Variants in DIS3L2 observed in about 807,000 individuals in gnomAD.
The protein encoded by DIS3L2 is DIS3 like 3'-5' exoribonuclease 2, also known as DIS3-like exonuclease 2.
A neutral mutation model predicts 97.5 loss-of-function variants in DIS3L2; 34 were observed. The observed-to-expected ratio is 0.35, with a 90% confidence interval of 0.27 to 0.46. The LOEUF (loss-of-function observed/expected upper bound fraction) is 0.46. Ranked by LOEUF, DIS3L2 falls within the 20% of genes least tolerant of loss-of-function variation. The pLI is 1.00. For synonymous variants in DIS3L2, 435 were observed against 445.2 expected (o/e 0.98, Z 0.29); for missense variants, 1,038 against 1,146.0 (o/e 0.91, Z 1.36).
chr2:232,267,932 A>C (rs1693893081), intron 13 of DIS3L2, among the ~76,000 whole-genome samples: 1 of 146,062 alleles, frequency 6.8e-6, no homozygotes, highest in South Asian at 2.4e-4. Flanking sequence ...CCATTATGAA[A>C]GTGTCTTGGG....
chr2:232,073,901 G>A (rs1029250433), intron 5 of DIS3L2, among the ~76,000 whole-genome samples: 2 of 152,186 alleles, frequency 1.3e-5, no homozygotes, highest in African/African-American at 4.8e-5. Context: ...CAGCGTAGAC[G>A]AGATTTCCAG....
At chr2:232,211,396 TCAG>T (rs1692187650) in intron 10 of DIS3L2, among the ~76,000 whole-genome samples, 2 of 152,196 alleles carry the variant, frequency 1.3e-5, no homozygotes, top group African/African-American at 4.8e-5. Flanking sequence ...TCCATCCACC[TCAG>T]CTTCCCAAAG....
At chr2:232,238,738 G>A (rs1437727631) in intron 11 of DIS3L2, 93 bp downstream of exon 11, 15 of 1,162,568 alleles carry the variant, frequency 1.3e-5, no homozygotes, top group Middle Eastern at 2.0e-4. Context: ...CATGTTCTCC[G>A]GAAAGAGAAG....
chr2:232,158,284 C>G (rs1404905202), intron 8 of DIS3L2, among the ~76,000 whole-genome samples: 4 of 150,526 alleles, frequency 2.7e-5, no homozygotes, highest in Non-Finnish European at 4.4e-5. Flanking sequence ...GTACTCAAAC[C>G]TTTCTGCATC....
At chr2:231,966,450 G>GTGAGCCAC (rs1392200376) in intron 1 of DIS3L2, among the ~76,000 whole-genome samples, 1 of 150,742 alleles carries the variant, frequency 6.6e-6, no homozygotes, top group African/African-American at 2.4e-5. Flanking sequence ...GATTACAGAC[G>GTGAGCCAC]TGAGCCACTG....
chr2:232,219,065 A>G (rs909698356), intron 10 of DIS3L2, among the ~76,000 whole-genome samples: 1 of 152,134 alleles, frequency 6.6e-6, no homozygotes, highest in Non-Finnish European at 1.5e-5. Context: ...CTCTGCTTAC[A>G]AGGTCTTGCC....
At chr2:232,333,199 C>CGCTG (rs1695811602) in intron 16 of DIS3L2, among the ~76,000 whole-genome samples, 2 of 77,322 alleles carry the variant, frequency 2.6e-5, no homozygotes, top group Non-Finnish European at 4.7e-5. Flanking sequence ...CCTCCTCCTC[C>CGCTG]TCCTCCTCCT....
Position 232,263,282 on chromosome 2 carries a change from A to C in DIS3L2, c.1501A>C (p.Ile501Leu). 6.2e-7 allele frequency: 1 copy of C among 1,614,200 alleles called. No individual in the cohort carries two copies. The highest frequency in any genetic ancestry group is 8.5e-7 in the Non-Finnish European group (1 of 1,180,040). Residue 501 changes from isoleucine (I) to leucine (L), a missense_variant, in exon 13 of 21, where the codon ATT becomes CTT. This residue lies in a region of DIS3L2 where 813 missense variants were observed against 880.1 expected (regional missense o/e 0.92). Transcript: ENST00000325385. ...TAGCTACGAGCATGCACAGAGCATG[A>C]TTGAAAGCCCAACTGAGAAAATCCC... ...KLSYEHAQSM[I>L]ESPTEKIPAK...
At chr2:232,020,260 T>C (rs1694475613) in intron 3 of DIS3L2, among the ~76,000 whole-genome samples, 1 of 152,172 alleles carries the variant, frequency 6.6e-6, no homozygotes, top group South Asian at 2.1e-4. Context: ...ATCTGTTTCA[T>C]GCTTTGAACA....
chr2:231,968,085 C>A (rs187894471), intron 1 of DIS3L2, among the ~76,000 whole-genome samples: 3 of 151,740 alleles, frequency 2.0e-5, no homozygotes, highest in Admixed American at 2.0e-4. Flanking sequence ...TGATCCCTAT[C>A]CCAGATAACT....
chr2:232,219,587 A>G (rs963193999), intron 10 of DIS3L2, among the ~76,000 whole-genome samples: 5 of 151,698 alleles, frequency 3.3e-5, no homozygotes, highest in African/African-American at 4.8e-5. Flanking sequence ...TCCATCTGTC[A>G]TGTCTCAGTG....
chr2:232,306,327 T>A (rs1340503701), intron 14 of DIS3L2, among the ~76,000 whole-genome samples: 1 of 152,228 alleles, frequency 6.6e-6, no homozygotes, highest in East Asian at 1.9e-4. Context: ...TCCAGTTCCA[T>A]GACCAGGTCT....
chr2:232,072,843 A>G (rs1574853076), intron 5 of DIS3L2, among the ~76,000 whole-genome samples: 2 of 136,354 alleles, frequency 1.5e-5, no homozygotes. Flanking sequence ...AGAGAAGGGG[A>G]GGTTGAGGTG....
chr2:232,056,000 G>A (rs1409671760), intron 5 of DIS3L2, among the ~76,000 whole-genome samples: 2 of 152,116 alleles, frequency 1.3e-5, no homozygotes, highest in Admixed American at 1.3e-4. Flanking sequence ...GTGAAAGGTA[G>A]AACAGTAAAG....
chr2:232,220,822 G>T (rs1026424858), intron 10 of DIS3L2, among the ~76,000 whole-genome samples: 2 of 152,080 alleles, frequency 1.3e-5, no homozygotes, highest in Non-Finnish European at 2.9e-5. Flanking sequence ...TTATTTTTAG[G>T]CTGGGCATGG....
intron 1 of DIS3L2, among the ~76,000 whole-genome samples, chr2:231,975,395 A>C (rs927245175): frequency 6.6e-6 from 1 of 151,908 alleles, no homozygotes; most frequent in Non-Finnish European, 1.5e-5. Flanking sequence ...TGCTCAACTG[A>C]GAGGTTAAAA....
intron 9 of DIS3L2, among the ~76,000 whole-genome samples, chr2:232,207,955 A>G (rs529285892): frequency 6.6e-6 from 1 of 152,354 alleles, no homozygotes; most frequent in South Asian, 2.1e-4. Flanking sequence ...AATTTTAAAA[A>G]TATGAAAAAG....
At chr2:232,090,173 G>A (rs951641993) in intron 6 of DIS3L2, among the ~76,000 whole-genome samples, 1 of 152,092 alleles carries the variant, frequency 6.6e-6, no homozygotes, top group Non-Finnish European at 1.5e-5. Flanking sequence ...GGCCTCAAGC[G>A]ATCCTCCTGC....
chr2:232,330,918 G>T (rs1271748167), intron 16 of DIS3L2, 142 bp downstream of exon 16: 3 of 870,812 alleles, frequency 3.4e-6, no homozygotes, highest in Non-Finnish European at 5.5e-6. Flanking sequence ...CTCCTCCTCT[G>T]CCAGAGGGTG....
Sources: allele counts gnomAD v4.1 joint callset (sites outside exome capture counted in the v4.1 genomes callset), GRCh38; gene constraint gnomAD v4.1.1; regional missense constraint gnomAD v4.1.1; transcripts MANE v1.5; gene names NCBI Gene and HGNC (gene_info 2026-07-23, HGNC 2026-07-21).